The following PLK4 variants were observed in gnomAD, a reference collection of about 807,000 sequenced individuals.
PLK4 encodes polo like kinase 4.
Under a neutral mutation model 103.0 loss-of-function variants are expected in PLK4, and 51 were observed. The ratio of observed to expected loss-of-function variants is 0.50; its 90% CI spans 0.40 to 0.63. The LOEUF is 0.63. Among genes scored for constraint, PLK4 ranks in the 20% least tolerant of loss-of-function variants. The pLI is 0.00. For missense variants in PLK4, 1,054 were observed against 1,151.0 expected, an observed-to-expected ratio of 0.92 and a Z score of 1.22; for synonymous variants, 389 against 376.8, an observed-to-expected ratio of 1.03 and a Z score of -0.38.
chr4:127,892,677 T>C, intron 10 of PLK4, 163 bp downstream of exon 10: 1 of 518,970 alleles, frequency 1.9e-6, no homozygotes, highest in Non-Finnish European at 3.4e-6. Context: ...ATCATATTAA[T>C]CAAAATTTAT....
intron 6 of PLK4, among the ~76,000 whole-genome samples, chr4:127,887,781 A>T (rs1435374120): frequency 6.7e-6 from 1 of 149,438 alleles, no homozygotes; most frequent in Non-Finnish European, 1.5e-5. Flanking sequence ...AAGCTGAGGC[A>T]GGAGGATTGC....
intron 6 of PLK4, among the ~76,000 whole-genome samples, chr4:127,888,212 A>AG (rs1735217794): frequency 1.4e-5 from 2 of 142,878 alleles, no homozygotes; most frequent in Non-Finnish European, 3.0e-5. Context: ...AAAAAAAAAA[A>AG]GCATTTTCAG....
rs762851409 is a variant in PLK4, at chr4:127,889,965, C to T, written c.1559C>T (p.Thr520Ile). 9 of 1,613,914 alleles carry T rather than the reference C, an allele frequency of 5.6e-6. No individual in the cohort carries two copies. In the Admixed American group the frequency reaches 1.3e-4, roughly 24 times the overall value. ...AAGGACACATCAAAAAATGCCTGGA[C>T]TGATACAAAAGTCAAAAAGAACTCT... is the stretch of plus-strand genomic sequence containing the variant. ...LQKDTSKNAW[T>I]DTKVKKNSDA... Residue 520 changes from threonine (T) to isoleucine (I), a missense_variant, in exon 7 of 16, where the codon ACT becomes ATT. Thr to Ile is a moderately conservative substitution (Grantham distance 89). This residue lies in a region of PLK4 where 680 missense variants were observed against 660.3 expected (regional missense o/e 1.03). Transcript: ENST00000270861.
chr4:127,889,017 CTTATA>C (rs1560696048), intron 6 of PLK4, among the ~76,000 whole-genome samples: 1 of 151,954 alleles, frequency 6.6e-6, no homozygotes, highest in Non-Finnish European at 1.5e-5. Flanking sequence ...TTTACAGATA[CTTATA>C]TTTAGTAACA....
At position 127,886,639 on chromosome 4, in the gene PLK4, A is replaced by G. The variant is rs1231757771; in HGVS notation, c.1269A>G (p.Thr423=). 2 of 1,613,680 alleles carry G rather than the reference A, an allele frequency of 1.2e-6. No individual in the cohort carries two copies. Among genetic ancestry groups the G allele is most frequent in the Non-Finnish European group, 8.5e-7 (1 of 1,179,588 alleles). The change falls in exon 5 of 16, where the codon ACA becomes ACG. Residue 423 remains threonine, a synonymous_variant. Transcript: ENST00000270861. ...GGENEERYSP[T]DNNANIFNFF... The stretch of plus-strand genomic sequence containing the variant: ...AAAATGAAGAGAGGTACTCACCCAC[A>G]GACAACAATGCCAACATTTTTAACT...
Position 127,883,436 on chromosome 4 carries a change from C to A in PLK4, c.223-3C>A. 2 of 1,447,874 alleles carry A rather than the reference C, an allele frequency of 1.4e-6. No homozygotes were observed. Among genetic ancestry groups the A allele is most frequent in the Non-Finnish European group, 1.9e-6 (2 of 1,032,776 alleles). 89.7% of individuals were successfully genotyped at this position (1,447,874 alleles called of 1,614,324 possible). A position where few individuals can be genotyped will look rare whatever the true frequency, so the allele number is the denominator to read the frequency against. ...TAATTTATTATGCCCTTTCACATTT[C>A]AGCTTTATAACTATTTTGAAGATAG... On this transcript the variant is annotated splice_region_variant and splice_polypyrimidine_tract_variant and intron_variant, in intron 3 of 15. Coordinates refer to ENST00000270861, the MANE Select transcript of PLK4 (RefSeq NM_014264.5).
At chr4:127,891,227 C>A in intron 8 of PLK4, 31 bp downstream of exon 8, 2 of 1,076,136 alleles carry the variant, frequency 1.9e-6, no homozygotes, top group Non-Finnish European at 1.4e-6. Flanking sequence ...TACCTTGCAA[C>A]TTCAAATTAT....
At chr4:127,897,823 G>GTTTTTT (rs1560703278) in intron 15 of PLK4, among the ~76,000 whole-genome samples, 7 of 37,138 alleles carry the variant, frequency 1.9e-4, no homozygotes, top group East Asian at 4.4e-4. Context: ...TAGAATTAGG[G>GTTTTTT]CTTTTTTTTT....
rs1037899676 is a variant in PLK4, at chr4:127,885,710, C to G, written c.340C>G (p.Arg114Gly). The change falls in exon 5 of 16, where the codon CGA (arginine) becomes GGA (glycine). Residue 114 changes from arginine (R) to glycine (G), a missense_variant and splice_region_variant. By Grantham distance (125) the Arg-to-Gly change is moderately radical. Coordinates refer to ENST00000270861, the MANE Select transcript of PLK4 (RefSeq NM_014264.5). ...RVKPFSENEARHFMHQIITGM... is the reference protein window; with the variant it reads ...RVKPFSENEAGHFMHQIITGM... ...TCTCTTTTTTAAAATCCTAACAGCT[C>G]GACACTTCATGCACCAGATCATCAC... 2 of 1,599,220 alleles carry G rather than the reference C, an allele frequency of 1.3e-6. No individual in the cohort carries two copies. Among genetic ancestry groups the G allele is most frequent in the African/African-American group, 2.7e-5 (2 of 74,140 alleles).
intron 14 of PLK4, among the ~76,000 whole-genome samples, chr4:127,895,819 C>T (rs1390967396): frequency 6.6e-6 from 1 of 152,136 alleles, no homozygotes; most frequent in Non-Finnish European, 1.5e-5. Flanking sequence ...GTCCCAGTTA[C>T]TCAAGAATCT....
In PLK4 at chr4:127,893,839, T is replaced by TC; in HGVS notation, c.2520_2521insC (p.Ser841GlnfsTer12). On this transcript the variant is annotated frameshift_variant, in exon 13 of 16. Coordinates refer to ENST00000270861, the MANE Select transcript of PLK4 (RefSeq NM_014264.5). LOFTEE classifies it high-confidence loss of function. ...CATCTTTCAACAGAATGGTCATGCA[T>TC]AGTGCTGCTTCTCCAACACAGGCAC... 6.2e-7 allele frequency: 1 copy of TC among 1,608,596 alleles called. No homozygotes were observed. Among genetic ancestry groups the TC allele is most frequent in the Non-Finnish European group, 8.5e-7 (1 of 1,175,198 alleles).
chr4:127,896,357 A>G (rs1735564982), intron 14 of PLK4, among the ~76,000 whole-genome samples: 1 of 152,192 alleles, frequency 6.6e-6, no homozygotes, highest in Admixed American at 6.5e-5. Flanking sequence ...TTCAGAGGCT[A>G]AAATGTAATA....
In PLK4 at chr4:127,898,526, T is replaced by C. The variant is rs771585879; in HGVS notation, c.2898T>C (p.Thr966=). ...TCCTTTTGATGTTTTCTAATCCGAC[T>C]CCTAATTTTCATTGATTAAAACTCC... ...SSILLMFSNP[T]PNFH The change falls in exon 16 of 16, where the codon ACT becomes ACC. Residue 966 remains threonine (T), a synonymous_variant. Coordinates refer to ENST00000270861, the MANE Select transcript of PLK4 (RefSeq NM_014264.5). 9 of 1,507,388 alleles carry C rather than the reference T, an allele frequency of 6.0e-6. 1 individual carries two copies. The South Asian group carries it at 1.0e-4, about 18-fold the overall frequency. 93.4% of individuals were successfully genotyped at this position (1,507,388 alleles called of 1,614,324 possible).
In PLK4 at chr4:127,886,714, T is replaced by C. The variant is rs755956447; in HGVS notation, c.1344T>C (p.Asp448=). 1.9e-6 allele frequency: 3 copies of C among 1,602,590 alleles called. No individual in the cohort carries two copies. The African/African-American group carries it at 4.0e-5, about 22-fold the overall frequency. ...SSSSGSFERP[D]NNQALSNHLC... is the part of the protein sequence containing the mutation. ...GTTCTGGATCTTTTGAAAGACCTGA[T>C]AACAATCAAGCACTGTAAGAATAAT... is the stretch of plus-strand genomic sequence containing the variant. The change falls in exon 5 of 16, where the codon GAT becomes GAC. Residue 448 remains aspartate (D), a synonymous_variant. Coordinates refer to ENST00000270861, the MANE Select transcript of PLK4 (RefSeq NM_014264.5).
In PLK4 at chr4:127,882,592, T is replaced by G. The variant is rs1734971007; in HGVS notation, c.126+666T>G. On this transcript the variant is annotated intron_variant, in intron 2 of 15. Coordinates refer to ENST00000270861, the MANE Select transcript of PLK4 (RefSeq NM_014264.5). ...CTGACCAACATGGAGAAACCCCATCTCTACTAAAAATACCAAATTAGCCGG... is the reference window on the plus strand; with the variant it reads ...CTGACCAACATGGAGAAACCCCATCGCTACTAAAAATACCAAATTAGCCGG... 2.0e-5 allele frequency among the ~76,000 whole-genome samples: 3 copies of G among 152,130 alleles called. No homozygotes were observed. In the South Asian group the frequency reaches 6.2e-4, roughly 31 times the overall value.
At position 127,883,333 on chromosome 4, in the gene PLK4, A is replaced by G. The variant is rs767557734; in HGVS notation, c.198A>G (p.Gln66=). The change falls in exon 3 of 16, where the codon CAA becomes CAG. Residue 66 remains glutamine, a synonymous_variant. Transcript: ENST00000270861. ...RVQNEVKIHC[Q]LKHPSILELY... Reference sequence around the variant, plus strand: ...AAAATGAGGTGAAAATACATTGCCAATTGAAACATCCTTCTATCTTGGAGG... The same window carrying G: ...AAAATGAGGTGAAAATACATTGCCAGTTGAAACATCCTTCTATCTTGGAGG... 31 of 1,596,836 alleles carry G rather than the reference A, an allele frequency of 1.9e-5. 1 individual carries two copies. The highest frequency in any genetic ancestry group is 8.3e-5 in the Admixed American group (5 of 59,910).
intron 5 of PLK4, 124 bp from the exon 6 acceptor site, chr4:127,887,272 C>G (rs1735171896): frequency 1.6e-6 from 1 of 625,972 alleles, no homozygotes; most frequent in Non-Finnish European, 2.9e-6. Flanking sequence ...ATATTGTTTT[C>G]TATAGTTATT....
chr4:127,896,708 C>A, intron 14 of PLK4, 93 bp from the exon 15 acceptor site: 1 of 638,166 alleles, frequency 1.6e-6, no homozygotes, highest in Non-Finnish European at 2.8e-6. Context: ...TACAGAACCA[C>A]AAACCCTCTA....
rs762304643 is a variant in PLK4, at chr4:127,887,453, G to A, written c.1416G>A (p.Gln472=). The A allele has an allele frequency of 6.2e-7, 1 of 1,611,082 alleles. No homozygotes were observed. Among genetic ancestry groups the A allele is most frequent in the Non-Finnish European group, 8.5e-7 (1 of 1,177,962 alleles). ...TPFPFADPTP[Q]TETVQQWFGN... is the part of the protein sequence containing the mutation. ...TTCCATTTGCAGACCCGACACCTCA[G>A]ACTGAAACCGTACAACAGTGGTTTG... The change falls in exon 6 of 16, where the codon CAG becomes CAA. Residue 472 remains glutamine, a synonymous_variant. Coordinates refer to ENST00000270861, the MANE Select transcript of PLK4 (RefSeq NM_014264.5).
Sources: gnomAD v4.1 joint callset for allele counts (sites outside exome capture counted in the v4.1 genomes callset) on GRCh38, gnomAD v4.1.1 for gene constraint, gnomAD v4.1.1 regional missense constraint, MANE v1.5 for transcripts, NCBI Gene and HGNC (gene_info 2026-07-23, HGNC 2026-07-21) for gene names.